PKP1: variants seen among roughly 807,000 people sequenced by gnomAD.
PKP1 encodes plakophilin 1.
PKP1 carries 27 observed loss-of-function variants against 76.4 expected under a neutral mutation model. That is an observed-to-expected ratio of 0.35 (90% CI 0.26 to 0.49). The LOEUF (loss-of-function observed/expected upper bound fraction) is 0.49, where lower values mean the gene tolerates loss of function less well. PKP1 is among the 20% of genes least tolerant of loss of function. The pLI, the probability that PKP1 is intolerant of heterozygous loss-of-function variation, is 0.99. For synonymous variants in PKP1, 404 were observed against 384.2 expected (o/e 1.05, Z -0.60); for missense variants, 964 against 955.2 (o/e 1.01, Z -0.12).
intron 2 of PKP1, among the ~76,000 whole-genome samples, chr1:201,305,378 A>G (rs949591656): frequency 6.6e-6 from 1 of 152,180 alleles, no homozygotes; most frequent in Non-Finnish European, 1.5e-5. Flanking sequence ...TCAGCTGGGC[A>G]TGGTGGTGTG....
intron 13 of PKP1, among the ~76,000 whole-genome samples, chr1:201,329,510 G>C: frequency 6.6e-6 from 1 of 152,280 alleles, no homozygotes; most frequent in African/African-American, 2.4e-5. Context: ...TTTCTGATGC[G>C]GGTAAACTGA....
At position 201,293,713 on chromosome 1, in the gene PKP1, G is replaced by C. The variant is rs373070067; in HGVS notation, c.203-229G>C. On this transcript the variant is annotated intron_variant, in intron 1 of 13. Transcript: ENST00000367324. Reference sequence around the variant, plus strand: ...GGGCTCCCAGGAAGGGGACAGATGAGAGTTTTAGAGCTGTCCCTGCAGGAG... The same window carrying C: ...GGGCTCCCAGGAAGGGGACAGATGACAGTTTTAGAGCTGTCCCTGCAGGAG... Among the ~76,000 whole-genome samples, 4 of 152,304 alleles carry C rather than the reference G, an allele frequency of 2.6e-5. No individual in the cohort carries two copies. In the South Asian group the frequency reaches 6.2e-4, roughly 24 times the overall value.
Position 201,325,184 on chromosome 1 carries a change from G to A in PKP1, c.2021+57G>A. The A allele has an allele frequency of 4.5e-6, 7 of 1,554,728 alleles. No homozygotes were observed. The South Asian group carries it at 7.8e-5, about 17-fold the overall frequency. ...CCCAATCAGAGCCCCTCCTCACCCT[G>A]CACAGCAGGAAGCAGTCCCGCAGCT... On this transcript the variant is annotated intron_variant, in intron 11 of 13. Transcript: ENST00000367324.
At chr1:201,295,516 C>T (rs1039335676) in intron 2 of PKP1, among the ~76,000 whole-genome samples, 1 of 152,208 alleles carries the variant, frequency 6.6e-6, no homozygotes, top group Non-Finnish European at 1.5e-5. Flanking sequence ...CTTAGGAATG[C>T]AGCATAAAGG....
chr1:201,319,564 G>A (rs1015327265), intron 6 of PKP1, among the ~76,000 whole-genome samples: 1 of 152,210 alleles, frequency 6.6e-6, no homozygotes, highest in Non-Finnish European at 1.5e-5. Context: ...GAGAGGCTGG[G>A]GAGATGAAAA....
At chr1:201,297,848 GCT>G (rs1656119833) in intron 2 of PKP1, among the ~76,000 whole-genome samples, 1 of 152,196 alleles carries the variant, frequency 6.6e-6, no homozygotes, top group Non-Finnish European at 1.5e-5. Context: ...CAGGAGAGAA[GCT>G]CTGTTTTTCC....
chr1:201,330,062 C>T lies in PKP1; in HGVS notation c.*33-12C>T, dbSNP rs918184630. On this transcript the variant is annotated splice_polypyrimidine_tract_variant and intron_variant, in intron 13 of 13. Transcript: ENST00000367324. ...CTGTAAACACTAACTGGAGGACTTT[C>T]TCCTTTTCCAGGAAGATATGACCCA... 2 of 152,212 alleles carry T rather than the reference C, an allele frequency of 1.3e-5. No individual in the cohort carries two copies. The allele number at this position is 152,212 out of a possible 1,614,324, so 9.4% of individuals were successfully genotyped here. A position where few individuals can be genotyped will look rare whatever the true frequency, so the allele number is the denominator to read the frequency against.
At chr1:201,289,787 A>G (rs953455270) in intron 1 of PKP1, among the ~76,000 whole-genome samples, 3 of 152,000 alleles carry the variant, frequency 2.0e-5, no homozygotes, top group African/African-American at 7.3e-5. Context: ...CGCTGGATTG[A>G]GTGCTGACAT....
At chr1:201,310,499 C>T (rs1656514819) in intron 2 of PKP1, among the ~76,000 whole-genome samples, 1 of 152,206 alleles carries the variant, frequency 6.6e-6, no homozygotes, top group African/African-American at 2.4e-5. Context: ...GCAGTTGCTG[C>T]CGTTTCAGCC....
rs528824839 is a variant in PKP1, at chr1:201,314,229, C to T, written c.701+669C>T. 9.9e-5 allele frequency among the ~76,000 whole-genome samples: 15 copies of T among 152,166 alleles called. No homozygotes were observed. The South Asian group carries it at 2.9e-3, about 29-fold the overall frequency. On this transcript the variant is annotated intron_variant, in intron 3 of 13. Transcript: ENST00000367324. ...GCACTTTGGGAGGCCGAGGCAGGAG[C>T]GGGTAGAGGGTGCTTGAGCTCAGGA...
At position 201,321,844 on chromosome 1, in the gene PKP1, G is replaced by A. The variant is rs530696410; in HGVS notation, c.1348-134G>A. 5 of 943,954 alleles carry A rather than the reference G, an allele frequency of 5.3e-6. No homozygotes were observed. In the African/African-American group the frequency reaches 6.5e-5, roughly 12 times the overall value. 58.5% of individuals were successfully genotyped at this position (943,954 alleles called of 1,614,324 possible). On this transcript the variant is annotated intron_variant, in intron 7 of 13. Coordinates refer to ENST00000367324, the MANE Select transcript of PKP1 (RefSeq NM_001005337.3). ...CTGGAAGACTTCCCAGGCTGATAGT[G>A]TGGTGGTGCCTGCGCTCATCTTTCC...
rs369819315 is a variant in PKP1 at position 201,317,789 on chromosome 1, C to T, written c.1054+10C>T. ...CAGAAGCAGCTGACTGGTAGGACAA[C>T]ACGGCCACCGAGAGCCAGCCTGAGG... is the stretch of plus-strand genomic sequence containing the variant. On this transcript the variant is annotated intron_variant, in intron 5 of 13. Coordinates refer to ENST00000367324, the MANE Select transcript of PKP1 (RefSeq NM_001005337.3). 6.8e-6 allele frequency: 11 copies of T among 1,607,900 alleles called. No individual in the cohort carries two copies. The African/African-American group carries it at 8.1e-5, about 12-fold the overall frequency.
chr1:201,313,864 AC>A (rs1656643492), intron 3 of PKP1, among the ~76,000 whole-genome samples: 2 of 152,230 alleles, frequency 1.3e-5, no homozygotes, highest in African/African-American at 4.8e-5. Context: ...CCAACCAGCA[AC>A]ATCAGCATCA....
At chr1:201,302,397 C>T (rs537787206) in intron 2 of PKP1, among the ~76,000 whole-genome samples, 1 of 152,256 alleles carries the variant, frequency 6.6e-6, no homozygotes, top group African/African-American at 2.4e-5. Context: ...GGCCAAGCCT[C>T]TCCTGCTGGC....
intron 2 of PKP1, among the ~76,000 whole-genome samples, chr1:201,303,952 C>G (rs997065115): frequency 2.6e-5 from 4 of 152,202 alleles, no homozygotes; most frequent in Non-Finnish European, 5.9e-5. Context: ...CTGCCCCACG[C>G]CTGGCTGAAC....
chr1:201,301,870 G>A (rs191342572), intron 2 of PKP1, among the ~76,000 whole-genome samples: 1 of 152,208 alleles, frequency 6.6e-6, no homozygotes, highest in East Asian at 1.9e-4. Context: ...AAATTTTGCA[G>A]CACACGCTAA....
intron 3 of PKP1, among the ~76,000 whole-genome samples, chr1:201,314,473 C>A (rs1000699752): frequency 1.4e-4 from 22 of 151,852 alleles, no homozygotes; most frequent in Admixed American, 1.4e-3. Context: ...AACAAACAAA[C>A]AAACAACAAC....
At chr1:201,284,024 C>A in intron 1 of PKP1, 120 bp downstream of exon 1, 1 of 926,094 alleles carries the variant, frequency 1.1e-6, no homozygotes, top group Non-Finnish European at 1.7e-6. Context: ...CTGCCGGCCC[C>A]AGGCAGGGTC....
At chr1:201,310,783 A>C (rs928509675) in intron 2 of PKP1, among the ~76,000 whole-genome samples, 1 of 152,214 alleles carries the variant, frequency 6.6e-6, no homozygotes, top group Non-Finnish European at 1.5e-5. Flanking sequence ...GGGTGACGCC[A>C]CTAGGGTGTG....
Sources: gnomAD v4.1 joint callset for allele counts (sites outside exome capture counted in the v4.1 genomes callset) on GRCh38, gnomAD v4.1.1 for gene constraint, MANE v1.5 for transcripts, NCBI Gene and HGNC (gene_info 2026-07-23, HGNC 2026-07-21) for gene names.